The following BICC1 variants were observed in gnomAD, a reference collection of about 807,000 sequenced individuals.
The protein encoded by BICC1 is protein bicaudal C homolog 1.
A neutral mutation model predicts 111.0 loss-of-function variants in BICC1; 43 were observed. The observed-to-expected ratio is 0.39, with a 90% CI of 0.30 to 0.50. BICC1 has a LOEUF of 0.50. Ranked by LOEUF, BICC1 falls within the 20% of genes least tolerant of loss-of-function variation. The probability of loss-of-function intolerance (pLI) is 0.88; values close to 1 mark genes in which losing one functional copy is unlikely to be tolerated. For synonymous variants in BICC1, 467 were observed against 434.4 expected (o/e 1.07, Z -0.93); for missense variants, 1,091 against 1,203.2 (o/e 0.91, Z 1.38).
chr10:58,629,054 A>G (rs1306057849), intron 2 of BICC1, among the ~76,000 whole-genome samples: 1 of 152,188 alleles, frequency 6.6e-6, no homozygotes, highest in Admixed American at 6.5e-5. Flanking sequence ...CATTGAATTG[A>G]TAGTGAGAAC....
chr10:58,776,540 A>G (rs1842753182), intron 3 of BICC1, among the ~76,000 whole-genome samples: 1 of 152,126 alleles, frequency 6.6e-6, no homozygotes, highest in South Asian at 2.1e-4. Context: ...CCTTTATCAA[A>G]AGGACCATTG....
At chr10:58,574,847 G>T (rs1366203871) in intron 1 of BICC1, among the ~76,000 whole-genome samples, 1 of 152,076 alleles carries the variant, frequency 6.6e-6, no homozygotes, top group Non-Finnish European at 1.5e-5. Flanking sequence ...CTTCTTGTGT[G>T]TCTGGTGTAC....
At chr10:58,800,782 A>G in intron 13 of BICC1, 108 bp from the exon 14 acceptor site, 1 of 1,119,936 alleles carries the variant, frequency 8.9e-7, no homozygotes, top group Non-Finnish European at 1.2e-6. Context: ...TGTCAGGTTA[A>G]TCATGTCTCC....
At chr10:58,608,738 C>G (rs1043351096) in intron 1 of BICC1, among the ~76,000 whole-genome samples, 2 of 152,254 alleles carry the variant, frequency 1.3e-5, no homozygotes, top group East Asian at 3.9e-4. Context: ...AAGAATTTGC[C>G]CAGAGTTATG....
At chr10:58,772,870 C>T (rs981658368) in intron 3 of BICC1, among the ~76,000 whole-genome samples, 7 of 152,094 alleles carry the variant, frequency 4.6e-5, no homozygotes, top group Non-Finnish European at 1.0e-4. Flanking sequence ...ATGGAACATA[C>T]AAATAAATGC....
intron 3 of BICC1, among the ~76,000 whole-genome samples, chr10:58,729,346 C>A (rs1841214191): frequency 6.6e-6 from 1 of 152,210 alleles, no homozygotes; most frequent in Non-Finnish European, 1.5e-5. Flanking sequence ...GAGATGGCAT[C>A]TTTTCTTAAA....
chr10:58,539,788 ACAGAT>A (rs1286228265), intron 1 of BICC1, among the ~76,000 whole-genome samples: 2 of 151,894 alleles, frequency 1.3e-5, no homozygotes, highest in Admixed American at 1.3e-4. Flanking sequence ...ATTGGACCTA[ACAGAT>A]ACATACAGAA....
intron 1 of BICC1, among the ~76,000 whole-genome samples, chr10:58,586,066 G>A (rs1312526164): frequency 6.6e-6 from 1 of 152,180 alleles, no homozygotes; most frequent in African/African-American, 2.4e-5. Context: ...ACACTGGAAA[G>A]TGATAGTTTA....
chr10:58,807,773 C>A (rs369786808), intron 17 of BICC1, among the ~76,000 whole-genome samples: 4 of 152,096 alleles, frequency 2.6e-5, no homozygotes, highest in South Asian at 2.1e-4. Flanking sequence ...ACCAAGCAGG[C>A]CTTTTCCATT....
chr10:58,806,676 A>AACATTTATGAG, intron 16 of BICC1, 53 bp downstream of exon 16: 2 of 1,445,336 alleles, frequency 1.4e-6, no homozygotes, highest in Non-Finnish European at 1.9e-6. Context: ...ACACTCATAA[A>AACATTTATGAG]TGTTTTTTGA....
chr10:58,594,552 G>A (rs1303087185), intron 1 of BICC1, among the ~76,000 whole-genome samples: 1 of 152,178 alleles, frequency 6.6e-6, no homozygotes, highest in East Asian at 1.9e-4. Context: ...CAAGCCAGAA[G>A]AGGGTAGGGG....
chr10:58,797,944 C>T lies in BICC1; in HGVS notation c.1367-455C>T, dbSNP rs555658147. Among the ~76,000 whole-genome samples, 27 of 152,236 alleles carry T rather than the reference C, an allele frequency of 1.8e-4. 1 individual carries two copies. The South Asian group carries it at 5.0e-3, about 28-fold the overall frequency. The stretch of plus-strand genomic sequence containing the variant: ...TTCTGGTAGCCTACCCTATCTGCAG[C>T]GGGGACAAATAGATCTATCCTACCA... On this transcript the variant is annotated intron_variant, in intron 10 of 20. Coordinates refer to ENST00000373886, the MANE Select transcript of BICC1 (RefSeq NM_001080512.3).
intron 1 of BICC1, among the ~76,000 whole-genome samples, chr10:58,581,833 A>T (rs1047921315): frequency 6.6e-6 from 1 of 152,178 alleles, no homozygotes; most frequent in Non-Finnish European, 1.5e-5. Flanking sequence ...ATTTCAGAAG[A>T]TTAAAAAAAA....
chr10:58,777,678 C>T (rs1446739976), intron 3 of BICC1, among the ~76,000 whole-genome samples: 4 of 152,044 alleles, frequency 2.6e-5, no homozygotes, highest in Admixed American at 1.3e-4. Flanking sequence ...TCACGTCACT[C>T]CTGCCATTAT....
chr10:58,625,295 T>C (rs373228165), intron 2 of BICC1, among the ~76,000 whole-genome samples: 3 of 152,208 alleles, frequency 2.0e-5, no homozygotes, highest in South Asian at 2.1e-4. Context: ...GAAATGACTA[T>C]GGTCAGATCT....
At chr10:58,802,992 A>G (rs1421148517) in intron 14 of BICC1, 85 bp from the exon 15 acceptor site, 18 of 1,287,136 alleles carry the variant, frequency 1.4e-5, no homozygotes, top group East Asian at 2.6e-5. Context: ...GATGATAAAC[A>G]TGCATAGTAA....
At chr10:58,639,472 G>T (rs1838053357) in intron 2 of BICC1, among the ~76,000 whole-genome samples, 1 of 146,584 alleles carries the variant, frequency 6.8e-6, no homozygotes. Flanking sequence ...TCGGCTCACT[G>T]CAACCTCTGC....
intron 1 of BICC1, among the ~76,000 whole-genome samples, chr10:58,612,725 C>T (rs1042032191): frequency 6.6e-6 from 1 of 151,946 alleles, no homozygotes; most frequent in Non-Finnish European, 1.5e-5. Context: ...GGAAGAAACC[C>T]CATTGTTTAT....
intron 2 of BICC1, among the ~76,000 whole-genome samples, chr10:58,672,224 C>T (rs954900559): frequency 6.6e-6 from 1 of 152,092 alleles, no homozygotes; most frequent in African/African-American, 2.4e-5. Flanking sequence ...AATTCCATAC[C>T]CATTTAACAA....
Sources: allele counts gnomAD v4.1 joint callset (sites outside exome capture counted in the v4.1 genomes callset), GRCh38; gene constraint gnomAD v4.1.1; transcripts MANE v1.5; gene names NCBI Gene and HGNC (gene_info 2026-07-23, HGNC 2026-07-21).